The following GPHN variants were observed in gnomAD, a reference collection of about 807,000 sequenced individuals.
The protein encoded by GPHN is gephyrin.
In GPHN, 17 loss-of-function variants were observed where a neutral mutation model predicts 95.5. That is an observed-to-expected ratio of 0.18 (90% CI 0.12 to 0.27). The LOEUF is 0.27. Among genes scored for constraint, GPHN ranks in the 10% least tolerant of loss-of-function variants. The pLI is 1.00. For synonymous variants in GPHN, 320 were observed against 322.5 expected, an observed-to-expected ratio of 0.99 and a Z score of 0.08; for missense variants, 660 against 978.1, an observed-to-expected ratio of 0.67 and a Z score of 4.34.
intron 2 of GPHN, among the ~76,000 whole-genome samples, chr14:66,706,542 GA>G (rs888849057): frequency 1.6e-4 from 25 of 152,146 alleles, no homozygotes; most frequent in African/African-American, 5.5e-4. Context: ...TGACAAAGCT[GA>G]AAAAAACAAG....
In GPHN at chr14:67,049,317, T is replaced by C. The variant is rs561460565; in HGVS notation, c.1007-9332T>C. Among the ~76,000 whole-genome samples the C allele has an allele frequency of 8.5e-5, 13 of 152,152 alleles. No homozygotes were observed. The East Asian group carries it at 2.3e-3, about 27-fold the overall frequency. On this transcript the variant is annotated intron_variant, in intron 10 of 22. Transcript: ENST00000478722. ...ATCTCGGCTCACTGCAAGCTCCGCC[T>C]CCCGGGTTCACGCCTTTCTCCTGCC... is the stretch of plus-strand genomic sequence containing the variant.
At chr14:67,700,000 C>T in the GPHN span, among the ~76,000 whole-genome samples, 1 of 151,670 alleles carries the variant, frequency 6.6e-6, no homozygotes, top group Non-Finnish European at 1.5e-5. Context: ...ATCAGCTGGG[C>T]GTGGTGGTGC....
intron 10 of GPHN, among the ~76,000 whole-genome samples, chr14:67,050,163 C>T (rs1410154986): frequency 6.6e-6 from 1 of 151,982 alleles, no homozygotes; most frequent in Non-Finnish European, 1.5e-5. Context: ...ATGGTATACA[C>T]CATGCATATA....
the GPHN span, chr14:67,204,537 GT>G: frequency 6.2e-7 from 1 of 1,611,746 alleles, no homozygotes; most frequent in Non-Finnish European, 8.5e-7. Flanking sequence ...TTGTTTGCAG[GT>G]TTCTCCCTCT....
At chr14:67,446,055 A>G in the GPHN span, 2 of 518,572 alleles carry the variant, frequency 3.9e-6, no homozygotes, top group East Asian at 1.1e-4. Context: ...AGGCCCAGAT[A>G]GAGGGTCTGG....
intron 1 of GPHN, among the ~76,000 whole-genome samples, chr14:66,546,769 A>AGGGAGAGGGAGACCGTG (rs1232996504): frequency 1.3e-5 from 1 of 78,006 alleles, no homozygotes; most frequent in Admixed American, 1.9e-4. Context: ...GTGGAAAGAG[A>AGGGAGAGGGAGACCGTG]GGGAGAGGGA....
intron 1 of GPHN, among the ~76,000 whole-genome samples, chr14:66,623,383 A>G (rs1181437889): frequency 1.3e-5 from 2 of 152,148 alleles, no homozygotes; most frequent in Non-Finnish European, 2.9e-5. Context: ...CATATCAGCC[A>G]GCAACCTTGG....
intron 1 of GPHN, among the ~76,000 whole-genome samples, chr14:66,520,757 A>G (rs1594802126): frequency 6.6e-6 from 1 of 151,414 alleles, no homozygotes; most frequent in Non-Finnish European, 1.5e-5. Flanking sequence ...GGTTTGTTAT[A>G]TAGGTAAACT....
At chr14:66,727,914 T>G (rs1036220822) in intron 2 of GPHN, among the ~76,000 whole-genome samples, 1 of 152,114 alleles carries the variant, frequency 6.6e-6, no homozygotes, top group African/African-American at 2.4e-5. Flanking sequence ...CACCAGGGCA[T>G]GTAGGAGGTC....
chr14:67,231,027 T>C, the GPHN span, among the ~76,000 whole-genome samples: 1 of 152,124 alleles, frequency 6.6e-6, no homozygotes, highest in Non-Finnish European at 1.5e-5. Context: ...GATGATCAGA[T>C]TGAAAAACAC....
chr14:67,505,831 C>G, the GPHN span, among the ~76,000 whole-genome samples: 1 of 151,966 alleles, frequency 6.6e-6, no homozygotes, highest in Non-Finnish European at 1.5e-5. Context: ...ATCAGCCTCC[C>G]TGGGATTACA....
chr14:67,120,388 ATTGTT>A (rs2078954478), intron 16 of GPHN, among the ~76,000 whole-genome samples: 1 of 152,182 alleles, frequency 6.6e-6, no homozygotes, highest in African/African-American at 2.4e-5. Flanking sequence ...TTAATTCTGT[ATTGTT>A]TTATTTGAAA....
At chr14:67,661,237 T>A in the GPHN span, among the ~76,000 whole-genome samples, 1 of 128,624 alleles carries the variant, frequency 7.8e-6, no homozygotes, top group Non-Finnish European at 1.5e-5. Context: ...TAGAGTATGA[T>A]GAGATGGAGT....
the GPHN span, among the ~76,000 whole-genome samples, chr14:67,280,797 T>TTCCC: frequency 1.4e-5 from 1 of 73,776 alleles, no homozygotes. Flanking sequence ...AGCAGTTTCC[T>TTCCC]TCCTTCCTTC....
chr14:66,862,835 A>G (rs1174553504), intron 4 of GPHN, among the ~76,000 whole-genome samples: 1 of 152,158 alleles, frequency 6.6e-6, no homozygotes, highest in Non-Finnish European at 1.5e-5. Context: ...TCAACATAAT[A>G]AGAGCTATAT....
chr14:67,693,574 A>G, the GPHN span, among the ~76,000 whole-genome samples: 1 of 150,490 alleles, frequency 6.6e-6, no homozygotes, highest in African/African-American at 2.4e-5. Flanking sequence ...AGAGAAGATT[A>G]TGTATGTACA....
chr14:67,706,856 G>A, the GPHN span, among the ~76,000 whole-genome samples: 1 of 152,110 alleles, frequency 6.6e-6, no homozygotes, highest in Non-Finnish European at 1.5e-5. Flanking sequence ...GGTTAGGATG[G>A]TTCGTTCCTA....
chr14:66,837,712 A>AGTACAT (rs1474007156), intron 4 of GPHN, among the ~76,000 whole-genome samples: 32 of 151,806 alleles, frequency 2.1e-4, no homozygotes, highest in African/African-American at 7.2e-4. Context: ...AAGAGGGAAG[A>AGTACAT]GTACATTGTT....
At chr14:67,283,086 A>G in the GPHN span, among the ~76,000 whole-genome samples, 1 of 152,150 alleles carries the variant, frequency 6.6e-6, no homozygotes. Flanking sequence ...TGAGCTGTTT[A>G]GTGGTTAATA....
Sources: gnomAD v4.1 joint callset for allele counts (sites outside exome capture counted in the v4.1 genomes callset) on GRCh38, gnomAD v4.1.1 for gene constraint, MANE v1.5 for transcripts, NCBI Gene and HGNC (gene_info 2026-07-23, HGNC 2026-07-21) for gene names.